The following NAALADL2 variants were observed in gnomAD, a reference collection of about 807,000 sequenced individuals.
NAALADL2 encodes the protein inactive N-acetylated-alpha-linked acidic dipeptidase-like protein 2.
A neutral mutation model predicts 87.2 loss-of-function variants in NAALADL2; 76 were observed. The observed-to-expected ratio is 0.87, with a 90% CI of 0.72 to 1.05. The LOEUF (loss-of-function observed/expected upper bound fraction) is 1.05, where lower values mean the gene tolerates loss of function less well. NAALADL2 is among the 50% of genes least tolerant of loss of function. The probability of loss-of-function intolerance (pLI) is 0.00; values close to 1 mark genes in which losing one functional copy is unlikely to be tolerated. For synonymous variants in NAALADL2, 354 were observed against 331.0 expected (o/e 1.07, Z -0.75); for missense variants, 1,089 against 945.8 (o/e 1.15, Z -1.99).
At chr3:175,073,474 G>C (rs977458390) in intron 1 of NAALADL2, among the ~76,000 whole-genome samples, 1 of 152,030 alleles carries the variant, frequency 6.6e-6, no homozygotes, top group Non-Finnish European at 1.5e-5. Flanking sequence ...GCTCCAAAGA[G>C]AGGTTACCAC....
intron 1 of NAALADL2, among the ~76,000 whole-genome samples, chr3:174,537,943 A>G (rs1191870368): frequency 6.6e-6 from 1 of 152,152 alleles, no homozygotes; most frequent in East Asian, 1.9e-4. Flanking sequence ...CCTAGAATAT[A>G]AGAGCTTTGT....
At chr3:174,930,937 A>G (rs1007372737) in intron 1 of NAALADL2, among the ~76,000 whole-genome samples, 1 of 151,920 alleles carries the variant, frequency 6.6e-6, no homozygotes, top group African/African-American at 2.4e-5. Context: ...GAACATTTTA[A>G]ATGCTATTTG....
At chr3:174,636,104 C>T (rs889879824) in intron 2 of NAALADL2, among the ~76,000 whole-genome samples, 14 of 152,196 alleles carry the variant, frequency 9.2e-5, no homozygotes, top group African/African-American at 3.4e-4. Flanking sequence ...ACACCCCTCT[C>T]TTCAATAAAT....
At chr3:174,678,172 C>T (rs1727216276) in intron 2 of NAALADL2, among the ~76,000 whole-genome samples, 1 of 152,254 alleles carries the variant, frequency 6.6e-6, no homozygotes, top group Non-Finnish European at 1.5e-5. Flanking sequence ...ACACACACTA[C>T]CTTGCATGAG....
chr3:175,474,358 T>A lies in NAALADL2; in HGVS notation c.1653+2600T>A, dbSNP rs535899084. 1.7e-4 allele frequency among the ~76,000 whole-genome samples: 26 copies of A among 152,322 alleles called. No homozygotes were observed. In the East Asian group the frequency reaches 5.0e-3, roughly 29 times the overall value. On this transcript the variant is annotated intron_variant, in intron 9 of 13. Coordinates refer to ENST00000454872, the MANE Select transcript of NAALADL2 (RefSeq NM_207015.3). Reference sequence around the variant, plus strand: ...GCTAGATACATATAGGATGTTTTAATGGATTACAAGCTTGATATGAAACAA... The same window carrying A: ...GCTAGATACATATAGGATGTTTTAAAGGATTACAAGCTTGATATGAAACAA...
At chr3:175,305,542 GA>G (rs1175128156) in intron 4 of NAALADL2, among the ~76,000 whole-genome samples, 2 of 151,402 alleles carry the variant, frequency 1.3e-5, no homozygotes, top group African/African-American at 4.9e-5. Flanking sequence ...TTTGTTTTGA[GA>G]CAGAGTTTTG....
intron 2 of NAALADL2, among the ~76,000 whole-genome samples, chr3:175,186,820 T>G (rs1737398603): frequency 6.6e-6 from 1 of 152,254 alleles, no homozygotes; most frequent in Non-Finnish European, 1.5e-5. Flanking sequence ...ACATTACAGA[T>G]TCTGTTCAAA....
chr3:175,241,616 C>G (rs954735992), intron 3 of NAALADL2, among the ~76,000 whole-genome samples: 8 of 152,068 alleles, frequency 5.3e-5, no homozygotes, highest in African/African-American at 1.7e-4. Context: ...AAAATTTAGA[C>G]AGGACCATTT....
chr3:175,146,921 A>T (rs1730833431), intron 2 of NAALADL2, among the ~76,000 whole-genome samples: 1 of 152,126 alleles, frequency 6.6e-6, no homozygotes, highest in Non-Finnish European at 1.5e-5. Flanking sequence ...ATTTTAATGA[A>T]AAAAAATGCA....
intron 2 of NAALADL2, among the ~76,000 whole-genome samples, chr3:175,113,229 C>T (rs925470064): frequency 1.3e-5 from 2 of 151,528 alleles, no homozygotes; most frequent in South Asian, 2.1e-4. Flanking sequence ...ACAAGAAGGA[C>T]GTTGCAGAGC....
At chr3:175,200,766 T>C (rs1274840437) in intron 2 of NAALADL2, among the ~76,000 whole-genome samples, 3 of 152,202 alleles carry the variant, frequency 2.0e-5, no homozygotes, top group Non-Finnish European at 4.4e-5. Context: ...AGAGACTCTT[T>C]CCTGCAAACT....
chr3:174,797,523 G>C (rs1718288341), intron 3 of NAALADL2, among the ~76,000 whole-genome samples: 1 of 151,398 alleles, frequency 6.6e-6, no homozygotes, highest in Non-Finnish European at 1.5e-5. Flanking sequence ...CACCATGCTG[G>C]GATCTTGTTT....
At chr3:175,452,838 T>A (rs534052641) in intron 6 of NAALADL2, among the ~76,000 whole-genome samples, 209 of 152,040 alleles carry the variant, frequency 1.4e-3, no homozygotes, top group African/African-American at 4.8e-3. Context: ...TTAAATGGAG[T>A]GAGCGTAGGG....
At chr3:174,505,666 T>G (rs1719155779) in intron 1 of NAALADL2, among the ~76,000 whole-genome samples, 2 of 152,154 alleles carry the variant, frequency 1.3e-5, no homozygotes, top group South Asian at 4.1e-4. Context: ...GCATTTCATG[T>G]GGGAAAGAAC....
chr3:174,675,777 A>G (rs1280650388), intron 2 of NAALADL2, among the ~76,000 whole-genome samples: 1 of 152,040 alleles, frequency 6.6e-6, no homozygotes, highest in Non-Finnish European at 1.5e-5. Context: ...ATTTTCAGTA[A>G]GTCTACCGAG....
intron 13 of NAALADL2, among the ~76,000 whole-genome samples, chr3:175,800,571 T>G (rs1576872068): frequency 6.6e-6 from 1 of 152,152 alleles, no homozygotes; most frequent in African/African-American, 2.4e-5. Context: ...CCCCTCATCA[T>G]GTACTCATTT....
At chr3:175,040,797 G>A (rs1580152334) in intron 1 of NAALADL2, among the ~76,000 whole-genome samples, 1 of 152,058 alleles carries the variant, frequency 6.6e-6, no homozygotes, top group Admixed American at 6.6e-5. Context: ...TCTGTGAAGG[G>A]TGTTCATGCT....
At chr3:175,172,977 C>A (rs369575389) in intron 2 of NAALADL2, among the ~76,000 whole-genome samples, 1 of 151,902 alleles carries the variant, frequency 6.6e-6, no homozygotes, top group Non-Finnish European at 1.5e-5. Context: ...TATAGATATT[C>A]GATGCTGGTG....
chr3:174,603,024 G>A (rs1299964730), intron 2 of NAALADL2, among the ~76,000 whole-genome samples: 1 of 151,946 alleles, frequency 6.6e-6, no homozygotes, highest in Non-Finnish European at 1.5e-5. Context: ...GTATTTTGTT[G>A]AGAATTTTTG....
Sources: allele counts gnomAD v4.1 joint callset (sites outside exome capture counted in the v4.1 genomes callset), GRCh38; gene constraint gnomAD v4.1.1; transcripts MANE v1.5; gene names NCBI Gene and HGNC (gene_info 2026-07-23, HGNC 2026-07-21).